A1CF: variants seen among roughly 807,000 people sequenced by gnomAD.
A1CF encodes the protein APOBEC-1 stimulating protein.
A neutral mutation model predicts 68.9 loss-of-function variants in A1CF; 48 were observed. The ratio of observed to expected loss-of-function variants is 0.70; its 90% CI spans 0.55 to 0.89. A1CF has a LOEUF of 0.89. Among genes scored for constraint, A1CF ranks in the 40% least tolerant of loss-of-function variants. A1CF has a pLI of 0.00. For missense variants in A1CF, 653 were observed against 718.9 expected (o/e 0.91, Z 1.05); for synonymous variants, 272 against 260.4 (o/e 1.04, Z -0.43).
At chr10:50,843,926 T>A in intron 4 of A1CF, 62 bp downstream of exon 4, 1 of 1,589,866 alleles carries the variant, frequency 6.3e-7, no homozygotes, top group Admixed American at 1.8e-5. Context: ...GAAAGCAAAG[T>A]GAAGAGAACA....
intron 6 of A1CF, 152 bp downstream of exon 6, chr10:50,835,922 A>G (rs1839465811): frequency 1.4e-6 from 1 of 699,284 alleles, no homozygotes; most frequent in Non-Finnish European, 2.3e-6. Flanking sequence ...ACTTCAGGGA[A>G]TGGAATCAAC....
chr10:50,815,862 A>G (rs1199800348), intron 9 of A1CF, 144 bp downstream of exon 9: 9 of 956,602 alleles, frequency 9.4e-6, no homozygotes, highest in Non-Finnish European at 1.4e-5. Flanking sequence ...TTAAAGGAAA[A>G]CTATTGATAT....
intron 3 of A1CF, among the ~76,000 whole-genome samples, chr10:50,856,178 G>C (rs1203011629): frequency 6.6e-6 from 1 of 151,916 alleles, no homozygotes; most frequent in Non-Finnish European, 1.5e-5. Flanking sequence ...TGGGTATTGC[G>C]TACCTGATCT....
intron 6 of A1CF, among the ~76,000 whole-genome samples, chr10:50,832,235 A>G (rs1839280568): frequency 6.6e-6 from 1 of 152,226 alleles, no homozygotes; most frequent in Non-Finnish European, 1.5e-5. Flanking sequence ...TCGCATTGGT[A>G]GCCTGAAATC....
At chr10:50,812,436 G>A (rs975961364) in intron 10 of A1CF, among the ~76,000 whole-genome samples, 1 of 152,166 alleles carries the variant, frequency 6.6e-6, no homozygotes, top group South Asian at 2.1e-4. Flanking sequence ...GATAGAGATT[G>A]TTACTCACAT....
chr10:50,840,070 G>GT (rs956817251), intron 5 of A1CF, among the ~76,000 whole-genome samples: 7 of 152,256 alleles, frequency 4.6e-5, no homozygotes, highest in African/African-American at 1.4e-4. Flanking sequence ...TAAGCCAGTA[G>GT]TTAATTGATT....
At chr10:50,842,062 G>A in intron 4 of A1CF, 70 bp from the exon 5 acceptor site, 19 of 1,371,052 alleles carry the variant, frequency 1.4e-5, no homozygotes, top group Non-Finnish European at 1.9e-5. Context: ...TGCATGTGCT[G>A]ATACACACAC....
intron 6 of A1CF, among the ~76,000 whole-genome samples, chr10:50,830,804 A>G (rs1482785050): frequency 1.3e-5 from 2 of 152,170 alleles, no homozygotes; most frequent in Admixed American, 1.3e-4. Context: ...ACCCTAGCCA[A>G]AGAAATCTGA....
At chr10:50,860,202 T>C (rs1840680077) in intron 2 of A1CF, among the ~76,000 whole-genome samples, 2 of 151,432 alleles carry the variant, frequency 1.3e-5, no homozygotes, top group South Asian at 2.1e-4. Context: ...CAAAAAAAAA[T>C]GAACAATACC....
intron 3 of A1CF, among the ~76,000 whole-genome samples, chr10:50,857,624 T>G (rs1840547597): frequency 6.6e-6 from 1 of 152,166 alleles, no homozygotes; most frequent in Admixed American, 6.6e-5. Context: ...GAGAAACCAC[T>G]TAGACAGCTT....
intron 11 of A1CF, 48 bp from the exon 12 acceptor site, chr10:50,810,090 G>C (rs1344967679): frequency 3.7e-6 from 6 of 1,603,946 alleles, no homozygotes; most frequent in Non-Finnish European, 5.1e-6. Context: ...TGGTACAACT[G>C]AGTCAGGTGA....
At chr10:50,828,000 C>T (rs1318359690) in intron 7 of A1CF, 131 bp downstream of exon 7, 1 of 550,334 alleles carries the variant, frequency 1.8e-6, no homozygotes, top group East Asian at 3.1e-5. Context: ...TCAGAGAATA[C>T]TATAAACACC....
rs1588962041 is a variant in A1CF, at chr10:50,810,115, A to G, written c.1461-73T>C. ...GAGTCAGGTGAAAACTTAAGGCACT[A>G]TCAGCTTTGTAAGATGACTGGATGG... On this transcript the variant is annotated intron_variant, in intron 11 of 12. Transcript: ENST00000373997. 7 of 1,558,538 alleles carry G rather than the reference A, an allele frequency of 4.5e-6. No individual in the cohort carries two copies. In the East Asian group the frequency reaches 1.6e-4, roughly 35 times the overall value.
At chr10:50,869,639 A>T (rs2132572352) in intron 1 of A1CF, among the ~76,000 whole-genome samples, 1 of 152,300 alleles carries the variant, frequency 6.6e-6, no homozygotes, top group South Asian at 2.1e-4. Flanking sequence ...ATATTTGAAT[A>T]AGCAGTGATA....
At chr10:50,882,473 C>T (rs549191275) in intron 1 of A1CF, among the ~76,000 whole-genome samples, 1 of 152,098 alleles carries the variant, frequency 6.6e-6, no homozygotes, top group South Asian at 2.1e-4. Flanking sequence ...AACTGATAAC[C>T]TAGTTGGAGT....
rs1406632686 is a variant in A1CF, at chr10:50,802,410, C to T, written c.*4319G>A. On this transcript the variant is annotated 3_prime_UTR_variant, in exon 13 of 13. Transcript: ENST00000373997. ...AAGTATATACAAAATCTTAAGTTAT[C>T]CTATTAACATTTTCTTTTTAAAAAT... 1 of 152,126 alleles carries T rather than the reference C, an allele frequency of 6.6e-6. No homozygotes were observed. Among genetic ancestry groups the T allele is most frequent in the Admixed American group, 6.5e-5 (1 of 15,286 alleles). 9.4% of individuals were successfully genotyped at this position (152,126 alleles called of 1,614,324 possible). A position where few individuals can be genotyped will look rare whatever the true frequency, so the allele number is the denominator to read the frequency against.
chr10:50,866,825 A>G (rs573634089), intron 1 of A1CF, among the ~76,000 whole-genome samples: 10 of 152,332 alleles, frequency 6.6e-5, no homozygotes, highest in East Asian at 3.9e-4. Context: ...CTAGCAGACC[A>G]TAAGTTGGCA....
chr10:50,880,994 CTTT>C (rs1288535656), intron 1 of A1CF, among the ~76,000 whole-genome samples: 2 of 143,954 alleles, frequency 1.4e-5, no homozygotes. Flanking sequence ...CATTTAGACT[CTTT>C]TTTTTTTTTT....
chr10:50,842,307 A>T (rs536693468), intron 4 of A1CF, among the ~76,000 whole-genome samples: 2 of 152,332 alleles, frequency 1.3e-5, no homozygotes, highest in East Asian at 3.9e-4. Context: ...GGAACATCTT[A>T]GAGACATGAA....
Sources: gnomAD v4.1 joint callset for allele counts (sites outside exome capture counted in the v4.1 genomes callset) on GRCh38, gnomAD v4.1.1 for gene constraint, MANE v1.5 for transcripts, NCBI Gene and HGNC (gene_info 2026-07-23, HGNC 2026-07-21) for gene names.